Variants in SERPINB6 observed in about 807,000 individuals in gnomAD.
SERPINB6 encodes the protein serpin family B member 6.
In SERPINB6, 16 loss-of-function variants were observed where a neutral mutation model predicts 26.1. The observed-to-expected ratio is 0.61, with a 90% CI of 0.42 to 0.93. SERPINB6 has a LOEUF of 0.93. Among genes scored for constraint, SERPINB6 ranks in the 40% least tolerant of loss-of-function variants. The probability of loss-of-function intolerance (pLI) is 0.00; values close to 1 mark genes in which losing one functional copy is unlikely to be tolerated. For synonymous variants in SERPINB6, 174 were observed against 176.6 expected (o/e 0.99, Z 0.11); for missense variants, 420 against 478.0 (o/e 0.88, Z 1.13).
intron 1 of SERPINB6, chr6:2,968,464 T>TAA: frequency 2.2e-6 from 2 of 891,424 alleles, no homozygotes; most frequent in Non-Finnish European, 2.7e-6. Flanking sequence ...TTTAAAAGGT[T>TAA]AAAAAAAAAA....
chr6:2,967,269 T>C lies in SERPINB6; in HGVS notation c.-11+4264A>G. ...ACTGAAACTGGACCCCTTCCTTACATACACCATGTACAAAAATCAACTCAA... is the reference window on the plus strand; with the variant it reads ...ACTGAAACTGGACCCCTTCCTTACACACACCATGTACAAAAATCAACTCAA... On this transcript the variant is annotated intron_variant, in intron 1 of 6. Transcript: ENST00000380539. The surrounding 1 kb of genome is among the most constrained non-coding windows in gnomAD (Gnocchi z 4.3). The C allele has an allele frequency of 8.3e-6, 8 of 967,400 alleles. No homozygotes were observed. Among genetic ancestry groups the C allele is most frequent in the Non-Finnish European group, 9.8e-6 (8 of 813,706 alleles). 59.9% of individuals were successfully genotyped at this position (967,400 alleles called of 1,614,324 possible).
Position 2,948,625 on chromosome 6 carries a change from T to A in SERPINB6, c.804A>T (p.Glu268Asp), listed in dbSNP as rs1769390601. The change falls in exon 7 of 7, where the codon GAA becomes GAT. Residue 268 changes from glutamate to aspartate, a missense_variant. Physicochemically the swap from Glu to Asp is conservative, Grantham distance 45. Transcript: ENST00000380539. This position sits in a 1 kb window ranked among gnomAD's most constrained non-coding sequence, Gnocchi z 5.0. Reference protein sequence around the residue: ...RLDMMDEEEVEVSLPRFKLEE... With the variant: ...RLDMMDEEEVDVSLPRFKLEE... ...CTAGTTTAAACCGCGGGAGGGACACTTCCACCTCCTCTTCATCCATCATGT... is the reference window on the plus strand; with the variant it reads ...CTAGTTTAAACCGCGGGAGGGACACATCCACCTCCTCTTCATCCATCATGT... 1 of 1,614,134 alleles carries A rather than the reference T, an allele frequency of 6.2e-7. No homozygotes were observed. Among genetic ancestry groups the A allele is most frequent in the Non-Finnish European group, 8.5e-7 (1 of 1,179,958 alleles).
rs876657997 is a variant in SERPINB6 at position 2,953,114 on chromosome 6, T to C, written c.503A>G (p.Tyr168Cys). 6.2e-7 allele frequency: 1 copy of C among 1,614,206 alleles called. No homozygotes were observed. Among genetic ancestry groups the C allele is most frequent in the Non-Finnish European group, 8.5e-7 (1 of 1,180,040 alleles). Residue 168 changes from tyrosine (Y) to cysteine (C), a missense_variant, in exon 5 of 7, where the codon TAT (tyrosine) becomes TGT (cysteine). Tyr to Cys is a radical substitution (Grantham distance 194, BLOSUM62 -2). Coordinates refer to ENST00000380539, the MANE Select transcript of SERPINB6 (RefSeq NM_004568.6). ...LTRLVLVNAV[Y>C]FRGNWDEQFD... is the part of the protein sequence containing the mutation. ...CTGTTCATCCCAGTTTCCTCTGAAA[T>C]AGACAGCATTCACCAGAACCAGCCT...
chr6:2,964,793 C>T (rs562163963), intron 1 of SERPINB6, among the ~76,000 whole-genome samples: 87 of 152,290 alleles, frequency 5.7e-4, no homozygotes, highest in African/African-American at 2.1e-3. Context: ...AACGTGTATA[C>T]TACTATTTTT....
rs1413012064 is a variant in SERPINB6 at position 2,948,349 on chromosome 6, CTGGA to C, written c.1076_1079del (p.Ile359SerfsTer?). The C allele has an allele frequency of 1.9e-6, 3 of 1,613,976 alleles. No individual in the cohort carries two copies. The African/African-American group carries it at 4.0e-5, about 22-fold the overall frequency. ...AGAGAATCCCGTTGGTCTTGCTGTG[CTGGA>C]TGAAGAAAAGGAAGGGGTGGTCGGC... On this transcript the variant is annotated frameshift_variant, in exon 7 of 7. Coordinates refer to ENST00000380539, the MANE Select transcript of SERPINB6 (RefSeq NM_004568.6). LOFTEE classifies it high-confidence loss of function. The surrounding 1 kb of genome is among the most constrained non-coding windows in gnomAD (Gnocchi z 5.0).
intron 1 of SERPINB6, chr6:2,968,428 G>A (rs546321825): frequency 9.7e-6 from 9 of 931,140 alleles, no homozygotes; most frequent in South Asian, 1.0e-4. Context: ...ACAAACCTGC[G>A]TATGTATCCT....
chr6:2,956,457 C>T (rs1770490513), intron 2 of SERPINB6: 1 of 152,384 alleles, frequency 6.6e-6, no homozygotes, highest in Non-Finnish European at 1.5e-5. Context: ...GAAGTCCAGG[C>T]TATCCTGCCG....
chr6:2,971,203 G>A, intron 1 of SERPINB6: 2 of 986,182 alleles, frequency 2.0e-6, no homozygotes, highest in Non-Finnish European at 2.4e-6. Context: ...GGGGTCCTCG[G>A]GTCCGCGGCG....
rs1040858 is a variant in SERPINB6 at position 2,954,385 on chromosome 6, C to T, written c.430+207G>A. On this transcript the variant is annotated intron_variant, in intron 4 of 6. Transcript: ENST00000380539. ...AGGCATCACGGGTACACCAAGGAAA[C>T]AGGGAGAAATCAGAGAGAACAGAAC... 0.83 allele frequency among the ~76,000 whole-genome samples: 126,247 copies of T among 152,214 alleles called. 52,442 individuals carry two copies. The highest frequency in any genetic ancestry group is 0.97 in the East Asian group (5,010 of 5,188).
chr6:2,967,351 T>G lies in SERPINB6; in HGVS notation c.-11+4182A>C, dbSNP rs1490670713. 3.1e-6 allele frequency: 1 copy of G among 318,412 alleles called. No homozygotes were observed. The highest frequency in any genetic ancestry group is 2.2e-5 in the African/African-American group (1 of 44,518). The allele number at this position is 318,412 out of a possible 1,614,324, so 19.7% of individuals were successfully genotyped here. ...AACTATAAAAAACCCTGGAAGACAA[T>G]CTAGGCAATACCATTCTGGACATAG... On this transcript the variant is annotated intron_variant, in intron 1 of 6. Transcript: ENST00000380539. The surrounding 1 kb of genome is among the most constrained non-coding windows in gnomAD (Gnocchi z 4.3).
chr6:2,952,469 C>T (rs529232967), intron 5 of SERPINB6, among the ~76,000 whole-genome samples: 42 of 152,348 alleles, frequency 2.8e-4, no homozygotes, highest in African/African-American at 9.9e-4. Flanking sequence ...ACATCTTCCA[C>T]GCTGGAGGTG....
rs534912409 is a variant in SERPINB6 at position 2,952,987 on chromosome 6, G to A, written c.573+57C>T. 2.4e-4 allele frequency: 379 copies of A among 1,611,184 alleles called. 4 individuals are homozygous for A. The South Asian group carries it at 2.5e-3, about 10-fold the overall frequency. The stretch of plus-strand genomic sequence containing the variant: ...CACGGCTGCAGACGCGGGAGGCCCC[G>A]AGCCGGAGACGCTCGTGTGAACACA... On this transcript the variant is annotated intron_variant, in intron 5 of 6. Transcript: ENST00000380539.
At chr6:2,971,184 T>C (rs1211049055) in intron 1 of SERPINB6, 3 of 991,450 alleles carry the variant, frequency 3.0e-6, no homozygotes, top group Non-Finnish European at 3.6e-6. Flanking sequence ...GCGCTGGGCC[T>C]GGGCGCCCGG....
At chr6:2,970,942 C>T (rs1333078690) in intron 1 of SERPINB6, 5 of 1,228,562 alleles carry the variant, frequency 4.1e-6, no homozygotes, top group Admixed American at 8.5e-5. Context: ...CCAGCACGGC[C>T]AGTCCAGTGA....
intron 2 of SERPINB6, chr6:2,957,653 A>T (rs942998444): frequency 6.6e-6 from 1 of 152,236 alleles, no homozygotes; most frequent in Non-Finnish European, 1.5e-5. Flanking sequence ...AGTTGATAGA[A>T]ATTCCACAGT....
intron 1 of SERPINB6, chr6:2,966,428 G>A (rs543374643): frequency 2.0e-6 from 2 of 986,506 alleles, no homozygotes; most frequent in Non-Finnish European, 2.4e-6. Context: ...CAGCAGATCC[G>A]TCTGTGGTCT....
At chr6:2,970,546 C>G (rs1483351183) in intron 1 of SERPINB6, 14 of 1,198,492 alleles carry the variant, frequency 1.2e-5, no homozygotes. Context: ...AGGCCTGACC[C>G]CCACCAGAAA....
In SERPINB6 at chr6:2,970,532, C is replaced by T. The variant is rs1772043038; in HGVS notation, c.-11+1001G>A. Reference sequence around the variant, plus strand: ...TCACTGAACACATCAGATCTCATCGCATCAGGCCTGACCCCCACCAGAAAG... The same window carrying T: ...TCACTGAACACATCAGATCTCATCGTATCAGGCCTGACCCCCACCAGAAAG... On this transcript the variant is annotated intron_variant, in intron 1 of 6. Coordinates refer to ENST00000380539, the MANE Select transcript of SERPINB6 (RefSeq NM_004568.6). 3 of 1,187,720 alleles carry T rather than the reference C, an allele frequency of 2.5e-6. No individual in the cohort carries two copies. The South Asian group carries it at 1.3e-4, about 52-fold the overall frequency. The allele number at this position is 1,187,720 out of a possible 1,614,324, so 73.6% of individuals were successfully genotyped here. A position where few individuals can be genotyped will look rare whatever the true frequency, so the allele number is the denominator to read the frequency against.
At chr6:2,969,094 A>G (rs1771895388) in intron 1 of SERPINB6, 2 of 1,083,886 alleles carry the variant, frequency 1.8e-6, no homozygotes, top group South Asian at 9.0e-5. Flanking sequence ...GATTGGAGAG[A>G]TCCAAATCCT....
Sources: allele counts gnomAD v4.1 joint callset (sites outside exome capture counted in the v4.1 genomes callset), GRCh38; gene constraint gnomAD v4.1.1; non-coding constraint Gnocchi (gnomAD v3.1); transcripts MANE v1.5; gene names NCBI Gene and HGNC (gene_info 2026-07-23, HGNC 2026-07-21).